The following MYH11 variants were observed in gnomAD, a reference collection of about 807,000 sequenced individuals.
The protein encoded by MYH11 is myosin-11.
In MYH11, 80 loss-of-function variants were observed where a neutral mutation model predicts 246.6. That is an observed-to-expected ratio of 0.32 (90% CI 0.27 to 0.39). The LOEUF (loss-of-function observed/expected upper bound fraction) is 0.39, where lower values mean the gene tolerates loss of function less well. Among genes scored for constraint, MYH11 ranks in the 10% least tolerant of loss-of-function variants. The pLI is 1.00. For synonymous variants in MYH11, 1,071 were observed against 1,015.5 expected (o/e 1.05, Z -1.04); for missense variants, 2,158 against 2,546.8 (o/e 0.85, Z 3.29).
intron 16 of MYH11, 147 bp downstream of exon 16, chr16:15,749,991 G>T: frequency 1.0e-6 from 1 of 989,180 alleles, no homozygotes; most frequent in Non-Finnish European, 1.5e-6. Context: ...CAGGGATGGG[G>T]AATGGGTCTG....
intron 3 of MYH11, among the ~76,000 whole-genome samples, chr16:15,820,551 G>A (rs145882593): frequency 2.2e-4 from 33 of 151,216 alleles, no homozygotes; most frequent in East Asian, 1.9e-4. Context: ...CTGAATGAAC[G>A]CTAAGACCAC....
At chr16:15,787,295 C>T (rs2042493241) in intron 4 of MYH11, among the ~76,000 whole-genome samples, 1 of 151,852 alleles carries the variant, frequency 6.6e-6, no homozygotes, top group Non-Finnish European at 1.5e-5. Context: ...GTAGTCCCAG[C>T]TACTCAGGAG....
At chr16:15,766,437 C>T (rs2041985919) in intron 9 of MYH11, among the ~76,000 whole-genome samples, 2 of 151,354 alleles carry the variant, frequency 1.3e-5, no homozygotes, top group Admixed American at 6.6e-5. Context: ...GGTGCAATCT[C>T]GGCTCACTGC....
chr16:15,724,728 C>G lies in MYH11; in HGVS notation c.4035G>C (p.Arg1345=). The G allele has an allele frequency of 1.2e-6, 2 of 1,614,162 alleles. No individual in the cohort carries two copies. The highest frequency in any genetic ancestry group is 1.7e-6 in the Non-Finnish European group (2 of 1,180,024). Residue 1345 remains arginine, a synonymous_variant, in exon 30 of 41, where the codon CGG becomes CGC. Transcript: ENST00000300036. ...STKLRQLEEE[R]NSLQDQLDEE... is the part of the protein sequence containing the mutation. Reference sequence around the variant, plus strand: ...CGTCCAGCTGGTCTTGCAGGCTGTTCCGCTCCTCCTCCAGCTGGCGCAGCT... The same window carrying G: ...CGTCCAGCTGGTCTTGCAGGCTGTTGCGCTCCTCCTCCAGCTGGCGCAGCT...
In MYH11 at chr16:15,753,487, A is replaced by G; in HGVS notation, c.1771T>C (p.Trp591Arg). The change falls in exon 15 of 41, where the codon TGG becomes CGG. Residue 591 changes from tryptophan to arginine, a missense_variant. By Grantham distance (101) the Trp-to-Arg change is moderately radical. Around this residue, in one of 11 missense-constraint regions of MYH11, gnomAD observed 317 missense variants for 507.7 expected, o/e 0.62. Coordinates refer to ENST00000300036, the MANE Select transcript of MYH11 (RefSeq NM_002474.3). ...AGCGGGTCCATATTCTTGGTCAGCCAGGCACTCGCATTATAGTCCACCTGC... is the reference window on the plus strand; with the variant it reads ...AGCGGGTCCATATTCTTGGTCAGCCGGGCACTCGCATTATAGTCCACCTGC... ...AGKVDYNASA[W>R]LTKNMDPLND... 1 of 1,614,182 alleles carries G rather than the reference A, an allele frequency of 6.2e-7. No individual in the cohort carries two copies. The highest frequency in any genetic ancestry group is 8.5e-7 in the Non-Finnish European group (1 of 1,180,014).
rs150558036 is a variant in MYH11, at chr16:15,829,111, G to T, written c.346-5700C>A. Among the ~76,000 whole-genome samples, 146 of 151,550 alleles carry T rather than the reference G, an allele frequency of 9.6e-4. 1 individual carries two copies. Among genetic ancestry groups the T allele is most frequent in the African/African-American group, 3.4e-3 (142 of 41,322 alleles). On this transcript the variant is annotated intron_variant, in intron 2 of 40. Coordinates refer to ENST00000300036, the MANE Select transcript of MYH11 (RefSeq NM_002474.3). ...AGGCAGGAGAGTCACCTGAACCAAG[G>T]AGGCAGAGGTTATGTGAGCCGAGAT...
chr16:15,788,798 A>ATG (rs58077308), intron 4 of MYH11, among the ~76,000 whole-genome samples: 7,652 of 104,652 alleles, frequency 0.073, 216 homozygotes, highest in Non-Finnish European at 0.11. Context: ...ACCAGAATAT[A>ATG]TGTGTGTGTG....
Position 15,724,286 on chromosome 16 carries a change from C to T in MYH11, c.4240G>A (p.Ala1414Thr), listed in dbSNP as rs112467954. Residue 1414 changes from alanine to threonine, a missense_variant, in exon 31 of 41, where the codon GCT becomes ACT. Physicochemically the swap from Ala to Thr is moderately conservative, Grantham distance 58 (BLOSUM62 0). Coordinates refer to ENST00000300036, the MANE Select transcript of MYH11 (RefSeq NM_002474.3). ...TTGGTCTTTTCCAGTTTATCATAAGCGGCCGCCTTCTCCTCGTACTGCTGG... is the reference window on the plus strand; with the variant it reads ...TTGGTCTTTTCCAGTTTATCATAAGTGGCCGCCTTCTCCTCGTACTGCTGG... ...LTQQYEEKAA[A>T]YDKLEKTKNR... 9.7e-4 allele frequency: 1,566 copies of T among 1,614,200 alleles called. 3 individuals carry two copies. Among genetic ancestry groups the T allele is most frequent in the Non-Finnish European group, 1.2e-3 (1,445 of 1,180,030 alleles).
chr16:15,766,386 T>TGTGA (rs762546955), intron 9 of MYH11, among the ~76,000 whole-genome samples: 1 of 105,738 alleles, frequency 9.5e-6, no homozygotes, highest in African/African-American at 3.0e-5. Context: ...TGTGTGTGTG[T>TGTGA]GTGAGACTGA....
At chr16:15,748,023 C>T in intron 17 of MYH11, 24 bp downstream of exon 17, 1 of 1,614,222 alleles carries the variant, frequency 6.2e-7, no homozygotes, top group Non-Finnish European at 8.5e-7. Flanking sequence ...CCCTGCCCTA[C>T]CTGGGCCAGA....
intron 19 of MYH11, among the ~76,000 whole-genome samples, chr16:15,747,318 T>G (rs1363921541): frequency 6.6e-6 from 1 of 152,120 alleles, no homozygotes; most frequent in Non-Finnish European, 1.5e-5. Context: ...TAGAGTAACT[T>G]GCCCAAGGTT....
intron 9 of MYH11, among the ~76,000 whole-genome samples, chr16:15,768,734 T>C (rs1421986112): frequency 1.3e-5 from 2 of 152,142 alleles, no homozygotes; most frequent in Non-Finnish European, 2.9e-5. Context: ...CAATTATAAA[T>C]ATAAATACAA....
intron 13 of MYH11, among the ~76,000 whole-genome samples, chr16:15,757,549 G>A (rs2041760052): frequency 6.8e-6 from 1 of 146,746 alleles, no homozygotes; most frequent in Non-Finnish European, 1.5e-5. Context: ...GGCAGAGAAG[G>A]AAAGGGAAGG....
chr16:15,758,456 G>C (rs1012950254), intron 12 of MYH11, among the ~76,000 whole-genome samples: 2 of 152,020 alleles, frequency 1.3e-5, no homozygotes, highest in African/African-American at 4.8e-5. Flanking sequence ...GATCACTTGA[G>C]GTCAGGAGTT....
At position 15,750,024 on chromosome 16, in the gene MYH11, A is replaced by G. The variant is rs886795198; in HGVS notation, c.2058+114T>C. 3.1e-6 allele frequency: 4 copies of G among 1,283,758 alleles called. No homozygotes were observed. The highest frequency in any genetic ancestry group is 1.5e-5 in the African/African-American group (1 of 68,308). 79.5% of individuals were successfully genotyped at this position (1,283,758 alleles called of 1,614,324 possible). A position where few individuals can be genotyped will look rare whatever the true frequency, so the allele number is the denominator to read the frequency against. On this transcript the variant is annotated intron_variant, in intron 16 of 40. Transcript: ENST00000300036. The surrounding 1 kb of genome is among the most constrained non-coding windows in gnomAD (Gnocchi z 4.3). ...CTGAGATTCAGATAGCCTTCCCCAC[A>G]TGGAAAATGGGGTCCTCGGGGTAGG... is the stretch of plus-strand genomic sequence containing the variant.
chr16:15,824,177 T>G (rs987523133), intron 2 of MYH11, among the ~76,000 whole-genome samples: 1 of 152,152 alleles, frequency 6.6e-6, no homozygotes, highest in African/African-American at 2.4e-5. Context: ...CAGGAACATT[T>G]AATAAAGAAA....
intron 10 of MYH11, among the ~76,000 whole-genome samples, chr16:15,763,568 T>A (rs2041914732): frequency 6.6e-6 from 1 of 152,084 alleles, no homozygotes; most frequent in Admixed American, 6.6e-5. Context: ...AACAAATAAA[T>A]AAAACTATTA....
intron 3 of MYH11, among the ~76,000 whole-genome samples, chr16:15,816,163 C>T (rs1031323191): frequency 6.6e-6 from 1 of 152,092 alleles, no homozygotes; most frequent in Non-Finnish European, 1.5e-5. Context: ...GACATGAAAA[C>T]TGGGAAACAA....
intron 40 of MYH11, chr16:15,712,845 G>A (rs971089616): frequency 1.4e-5 from 2 of 147,086 alleles, no homozygotes; most frequent in Admixed American, 7.0e-5. Context: ...GAGAGTGATG[G>A]GTGGGGGCGA....
Sources: allele counts gnomAD v4.1 joint callset (sites outside exome capture counted in the v4.1 genomes callset), GRCh38; gene constraint gnomAD v4.1.1; regional missense constraint gnomAD v4.1.1; non-coding constraint Gnocchi (gnomAD v3.1); transcripts MANE v1.5; gene names NCBI Gene and HGNC (gene_info 2026-07-23, HGNC 2026-07-21).